Variants in GRID1 observed in about 807,000 individuals in gnomAD.
The protein encoded by GRID1 is glutamate ionotropic receptor delta type subunit 1, also known as glutamate receptor ionotropic, delta-1.
Under a neutral mutation model 98.0 loss-of-function variants are expected in GRID1, and 28 were observed. The ratio of observed to expected loss-of-function variants is 0.29; its 90% CI spans 0.21 to 0.39. GRID1 has a LOEUF of 0.39. Ranked by LOEUF, GRID1 falls within the 10% of genes least tolerant of loss-of-function variation. GRID1 has a pLI of 1.00. For synonymous variants in GRID1, 553 were observed against 538.5 expected (o/e 1.03, Z -0.37); for missense variants, 1,111 against 1,340.5 (o/e 0.83, Z 2.67).
At chr10:86,237,555 C>T (rs1846559742) in intron 2 of GRID1, among the ~76,000 whole-genome samples, 1 of 152,160 alleles carries the variant, frequency 6.6e-6, no homozygotes, top group Non-Finnish European at 1.5e-5. Context: ...AAAAAATTAG[C>T]TGGGCATGGT....
intron 4 of GRID1, among the ~76,000 whole-genome samples, chr10:86,088,169 C>T (rs1038929697): frequency 6.6e-6 from 1 of 152,344 alleles, no homozygotes; most frequent in South Asian, 2.1e-4. Context: ...CAATAATTAA[C>T]ACAGCCCGCT....
At chr10:85,804,959 T>C (rs1056030353) in intron 8 of GRID1, among the ~76,000 whole-genome samples, 5 of 145,386 alleles carry the variant, frequency 3.4e-5, no homozygotes, top group Non-Finnish European at 6.1e-5. Flanking sequence ...AACCACAGAA[T>C]GAAAAGAAAA....
At chr10:86,240,332 C>G (rs988104697) in intron 2 of GRID1, among the ~76,000 whole-genome samples, 3 of 152,160 alleles carry the variant, frequency 2.0e-5, no homozygotes, top group Admixed American at 2.0e-4. Flanking sequence ...ACACACATCA[C>G]TAGGACATGA....
At chr10:85,964,044 A>T in intron 4 of GRID1, among the ~76,000 whole-genome samples, 1 of 152,216 alleles carries the variant, frequency 6.6e-6, no homozygotes, top group Non-Finnish European at 1.5e-5. Flanking sequence ...AATTGCTACT[A>T]AGACAATAAA....
At chr10:85,688,861 C>T (rs959553723) in intron 12 of GRID1, among the ~76,000 whole-genome samples, 2 of 152,080 alleles carry the variant, frequency 1.3e-5, no homozygotes, top group Admixed American at 6.6e-5. Flanking sequence ...TTGAAGCCTT[C>T]GGAGTGGGTG....
intron 2 of GRID1, among the ~76,000 whole-genome samples, chr10:86,355,283 G>A (rs978084966): frequency 1.3e-5 from 2 of 152,254 alleles, no homozygotes; most frequent in African/African-American, 4.8e-5. Context: ...TCAGCTCCTG[G>A]ACACCCCACG....
chr10:85,860,856 G>A (rs1330264783), intron 6 of GRID1, among the ~76,000 whole-genome samples: 1 of 152,140 alleles, frequency 6.6e-6, no homozygotes, highest in African/African-American at 2.4e-5. Context: ...GACTTATCTT[G>A]ATAACAATAA....
intron 4 of GRID1, among the ~76,000 whole-genome samples, chr10:86,091,825 C>T (rs1176415885): frequency 1.3e-5 from 2 of 152,166 alleles, no homozygotes; most frequent in African/African-American, 2.4e-5. Flanking sequence ...GTGCAGACAA[C>T]CCCCAATACC....
chr10:86,181,590 T>C (rs1845656134), intron 3 of GRID1, among the ~76,000 whole-genome samples: 1 of 152,202 alleles, frequency 6.6e-6, no homozygotes, highest in African/African-American at 2.4e-5. Flanking sequence ...GAGTCATCTG[T>C]CCACCCTTCC....
rs370124318 is a variant in GRID1, at chr10:85,651,223, C to T, written c.1998-3826G>A. 1.1e-4 allele frequency among the ~76,000 whole-genome samples: 17 copies of T among 152,328 alleles called. No individual in the cohort carries two copies. In the East Asian group the frequency reaches 2.7e-3, roughly 24 times the overall value. On this transcript the variant is annotated intron_variant, in intron 12 of 15. Transcript: ENST00000327946. ...TGATCACAGACATATACCTGGTACACAGTTAATGTTTAATAAATGCTAGCC... is the reference window on the plus strand; with the variant it reads ...TGATCACAGACATATACCTGGTACATAGTTAATGTTTAATAAATGCTAGCC...
At chr10:86,121,573 A>ATCAT (rs1564681384) in intron 4 of GRID1, among the ~76,000 whole-genome samples, 3 of 3,124 alleles carry the variant, frequency 9.6e-4, no homozygotes, top group Admixed American at 3.6e-3. Context: ...ATCACCATCA[A>ATCAT]CATCACCACC....
intron 5 of GRID1, among the ~76,000 whole-genome samples, chr10:85,914,840 A>G (rs1364772031): frequency 6.6e-6 from 1 of 152,238 alleles, no homozygotes; most frequent in Non-Finnish European, 1.5e-5. Context: ...TGAAGGCCAT[A>G]GCCATGATGA....
chr10:85,712,121 T>C (rs529791169), intron 12 of GRID1, among the ~76,000 whole-genome samples: 13 of 151,946 alleles, frequency 8.6e-5, no homozygotes, highest in African/African-American at 3.1e-4. Context: ...ATGTAAGTCA[T>C]ATAGAAATCA....
At chr10:85,817,562 G>A (rs1842726945) in intron 8 of GRID1, among the ~76,000 whole-genome samples, 2 of 151,492 alleles carry the variant, frequency 1.3e-5, no homozygotes, top group African/African-American at 4.9e-5. Flanking sequence ...TAGCCAGAAT[G>A]TCAAAAGATT....
At chr10:85,761,204 A>C (rs542880024) in intron 8 of GRID1, among the ~76,000 whole-genome samples, 14 of 152,320 alleles carry the variant, frequency 9.2e-5, no homozygotes, top group African/African-American at 3.4e-4. Flanking sequence ...ACAATTCTCA[A>C]TGAGCTCCAA....
chr10:86,018,025 A>C (rs1843001574), intron 4 of GRID1, among the ~76,000 whole-genome samples: 2 of 152,158 alleles, frequency 1.3e-5, no homozygotes, highest in South Asian at 4.2e-4. Flanking sequence ...TCTCCCAGGC[A>C]CTTCACACCC....
At chr10:85,798,020 G>T (rs944284159) in intron 8 of GRID1, among the ~76,000 whole-genome samples, 2 of 152,094 alleles carry the variant, frequency 1.3e-5, no homozygotes, top group Non-Finnish European at 2.9e-5. Context: ...CACCATTGAT[G>T]GGTACCTGGT....
intron 2 of GRID1, among the ~76,000 whole-genome samples, chr10:86,305,167 T>G (rs1366917978): frequency 6.6e-6 from 1 of 151,702 alleles, no homozygotes; most frequent in East Asian, 1.9e-4. Flanking sequence ...TAGACTGTCT[T>G]CAGACTCAAG....
intron 2 of GRID1, among the ~76,000 whole-genome samples, chr10:86,224,146 C>A (rs891851888): frequency 1.3e-4 from 20 of 152,156 alleles, no homozygotes; most frequent in Admixed American, 1.1e-3. Context: ...CTCCCGGAAT[C>A]CCCACCCTCC....
Sources: gnomAD v4.1 joint callset for allele counts (sites outside exome capture counted in the v4.1 genomes callset) on GRCh38, gnomAD v4.1.1 for gene constraint, MANE v1.5 for transcripts, NCBI Gene and HGNC (gene_info 2026-07-23, HGNC 2026-07-21) for gene names.